Variants in GNA12 observed in about 807,000 individuals in gnomAD.
GNA12 encodes G protein subunit alpha 12.
GNA12 carries 9 observed loss-of-function variants against 26.0 expected under a neutral mutation model. The observed-to-expected ratio is 0.35, with a 90% CI of 0.21 to 0.60. The LOEUF (loss-of-function observed/expected upper bound fraction) is 0.60. Ranked by LOEUF, GNA12 falls within the 20% of genes least tolerant of loss-of-function variation. The probability of loss-of-function intolerance (pLI) is 0.78; values close to 1 mark genes in which losing one functional copy is unlikely to be tolerated. For missense variants in GNA12, 405 were observed against 525.8 expected (o/e 0.77, Z 2.25); for synonymous variants, 264 against 219.6 (o/e 1.20, Z -1.79).
At chr7:2,805,360 A>T (rs1339976125) in intron 1 of GNA12, among the ~76,000 whole-genome samples, 1 of 152,242 alleles carries the variant, frequency 6.6e-6, no homozygotes, top group Non-Finnish European at 1.5e-5. Context: ...GGAAGCTCAA[A>T]ATCACACAGT....
chr7:2,834,015 G>C (rs1033390556), intron 1 of GNA12, among the ~76,000 whole-genome samples: 1 of 152,136 alleles, frequency 6.6e-6, no homozygotes, highest in African/African-American at 2.4e-5. Context: ...TGGGCCACTA[G>C]TAGGCCCACT....
At chr7:2,737,227 T>A (rs1181717329) in intron 2 of GNA12, among the ~76,000 whole-genome samples, 1 of 149,162 alleles carries the variant, frequency 6.7e-6, no homozygotes, top group Non-Finnish European at 1.5e-5. Flanking sequence ...GCCTTTTAAT[T>A]TTAAACCCTA....
At chr7:2,756,040 A>G (rs546220737) in intron 2 of GNA12, among the ~76,000 whole-genome samples, 1 of 152,360 alleles carries the variant, frequency 6.6e-6, no homozygotes, top group East Asian at 1.9e-4. Flanking sequence ...CAACGTTTTC[A>G]TAATACCAAC....
In GNA12 at chr7:2,783,649, C is replaced by CATTTATTTATTTATTTATTT. The variant is rs60404277; in HGVS notation, c.525+11259_525+11278dup. Among the ~76,000 whole-genome samples, 920 of 138,670 alleles carry CATTTATTTATTTATTTATTT rather than the reference C, an allele frequency of 6.6e-3. 10 individuals are homozygous for CATTTATTTATTTATTTATTT. Among genetic ancestry groups the CATTTATTTATTTATTTATTT allele is most frequent in the East Asian group, 0.019 (85 of 4,526 alleles). 91.0% of individuals were successfully genotyped at this position (138,670 alleles called of 152,430 possible). A position where few individuals can be genotyped will look rare whatever the true frequency, so the allele number is the denominator to read the frequency against. ...CTGTCAGTGCTTAGAGGCTGTAACA[C>CATTTATTTATTTATTTATTT]ATTTATTTATTTATTTATTTATTTA... On this transcript the variant is annotated intron_variant, in intron 2 of 3. Coordinates refer to ENST00000275364, the MANE Select transcript of GNA12 (RefSeq NM_007353.3).
At chr7:2,759,743 G>A (rs968398105) in intron 2 of GNA12, among the ~76,000 whole-genome samples, 3 of 152,158 alleles carry the variant, frequency 2.0e-5, no homozygotes, top group African/African-American at 7.2e-5. Flanking sequence ...ATTTTAAAAA[G>A]AGCAAAAGAG....
chr7:2,790,099 GTC>G (rs1205957574), intron 2 of GNA12, among the ~76,000 whole-genome samples: 2 of 152,138 alleles, frequency 1.3e-5, no homozygotes, highest in Admixed American at 1.3e-4. Flanking sequence ...CCCTGCCTGT[GTC>G]TGCTCCCTCT....
chr7:2,831,611 G>C (rs1243137016), intron 1 of GNA12, among the ~76,000 whole-genome samples: 1 of 151,844 alleles, frequency 6.6e-6, no homozygotes, highest in East Asian at 1.9e-4. Context: ...CACCGTGTTA[G>C]CCAGGATGGT....
chr7:2,776,752 C>G (rs753620403), intron 2 of GNA12, among the ~76,000 whole-genome samples: 2 of 152,176 alleles, frequency 1.3e-5, no homozygotes, highest in African/African-American at 2.4e-5. Flanking sequence ...GTGCTGGAAG[C>G]AGAGCTGGTT....
intron 2 of GNA12, among the ~76,000 whole-genome samples, chr7:2,794,553 G>A (rs910082362): frequency 1.3e-5 from 2 of 152,272 alleles, no homozygotes; most frequent in Non-Finnish European, 2.9e-5. Flanking sequence ...ATCTGAAGGC[G>A]TTCGTGAGTT....
At chr7:2,766,290 G>A (rs1306233361) in intron 2 of GNA12, among the ~76,000 whole-genome samples, 1 of 151,878 alleles carries the variant, frequency 6.6e-6, no homozygotes, top group African/African-American at 2.4e-5. Context: ...GTTAGCTGCA[G>A]TCTTTCCTTT....
chr7:2,772,674 A>G (rs1320142900), intron 2 of GNA12, among the ~76,000 whole-genome samples: 1 of 152,226 alleles, frequency 6.6e-6, no homozygotes, highest in South Asian at 2.1e-4. Context: ...CAAGAGGACA[A>G]TGCCAAGTGT....
intron 1 of GNA12, chr7:2,815,198 G>GT (rs1793190160): frequency 2.4e-6 from 1 of 418,460 alleles, no homozygotes; most frequent in East Asian, 5.2e-5. Flanking sequence ...GTCCGGCACT[G>GT]TGAGTGTGCT....
chr7:2,766,102 C>G (rs866032737), intron 2 of GNA12, among the ~76,000 whole-genome samples: 5 of 152,334 alleles, frequency 3.3e-5, no homozygotes, highest in Middle Eastern at 6.8e-3. Flanking sequence ...AAACTTTGCA[C>G]TAATTAAACA....
intron 2 of GNA12, among the ~76,000 whole-genome samples, chr7:2,745,608 C>T (rs913531043): frequency 7.2e-5 from 11 of 152,186 alleles, no homozygotes; most frequent in African/African-American, 2.7e-4. Flanking sequence ...AAAACTGCAT[C>T]AACTAACGAG....
chr7:2,788,960 C>T lies in GNA12; in HGVS notation c.525+5968G>A, dbSNP rs191929427. 2.9e-3 allele frequency among the ~76,000 whole-genome samples: 443 copies of T among 151,998 alleles called. 3 individuals are homozygous for T. Among genetic ancestry groups the T allele is most frequent in the Middle Eastern group, 0.01 (3 of 292 alleles). ...TCAGCCTCCAGAGTAGCTGGGATTA[C>T]AGGCGCCCCACCACCATGCATGGCT... On this transcript the variant is annotated intron_variant, in intron 2 of 3. Transcript: ENST00000275364.
chr7:2,830,282 A>G (rs1036950817), intron 1 of GNA12, among the ~76,000 whole-genome samples: 15 of 152,140 alleles, frequency 9.9e-5, no homozygotes, highest in Admixed American at 4.6e-4. Context: ...TGCTCATACG[A>G]GTCTCAATAT....
chr7:2,790,315 G>A (rs971198707), intron 2 of GNA12, among the ~76,000 whole-genome samples: 5 of 151,898 alleles, frequency 3.3e-5, no homozygotes, highest in Non-Finnish European at 5.9e-5. Flanking sequence ...GCAGTGGCGC[G>A]ATCTCAGCTC....
chr7:2,765,347 A>C (rs1791759051), intron 2 of GNA12, among the ~76,000 whole-genome samples: 1 of 151,966 alleles, frequency 6.6e-6, no homozygotes, highest in Admixed American at 6.5e-5. Context: ...ATGGGGTTTC[A>C]TTTAGTAGAG....
chr7:2,740,117 T>G (rs1790423563), intron 2 of GNA12, among the ~76,000 whole-genome samples: 1 of 152,232 alleles, frequency 6.6e-6, no homozygotes, highest in Non-Finnish European at 1.5e-5. Flanking sequence ...TTCTGATTTT[T>G]AAAAACGGTG....
Sources: gnomAD v4.1 joint callset for allele counts (sites outside exome capture counted in the v4.1 genomes callset) on GRCh38, gnomAD v4.1.1 for gene constraint, MANE v1.5 for transcripts, NCBI Gene and HGNC (gene_info 2026-07-23, HGNC 2026-07-21) for gene names.